The following RASAL1 variants were observed in gnomAD, a reference collection of about 807,000 sequenced individuals.
The protein encoded by RASAL1 is rasGAP-activating-like protein 1.
In RASAL1, 72 loss-of-function variants were observed where a neutral mutation model predicts 96.6. That is an observed-to-expected ratio of 0.75 (90% CI 0.62 to 0.91). RASAL1 has a LOEUF of 0.91. RASAL1 is among the 40% of genes least tolerant of loss of function. RASAL1 has a pLI of 0.00. For missense variants in RASAL1, 1,016 were observed against 1,072.5 expected (o/e 0.95, Z 0.74); for synonymous variants, 405 against 430.4 (o/e 0.94, Z 0.73).
At chr12:113,112,737 G>A (rs1190505234) in intron 12 of RASAL1, among the ~76,000 whole-genome samples, 2 of 152,002 alleles carry the variant, frequency 1.3e-5, no homozygotes, top group Non-Finnish European at 2.9e-5. Flanking sequence ...GGTCACTTGA[G>A]ACCAGGAGTT....
chr12:113,115,076 G>A lies in RASAL1; in HGVS notation c.1068+124C>T, dbSNP rs112623602. The A allele has an allele frequency of 5.0e-4, 599 of 1,186,898 alleles. 3 individuals carry two copies. The African/African-American group carries it at 6.8e-3, about 13-fold the overall frequency. The allele number at this position is 1,186,898 out of a possible 1,614,324, so 73.5% of individuals were successfully genotyped here. ...CTCAGGGCAAGGCCGGGCACCAGCCGCCAGCACTGCAGCTCGGCTGCTCAG... is the reference window on the plus strand; with the variant it reads ...CTCAGGGCAAGGCCGGGCACCAGCCACCAGCACTGCAGCTCGGCTGCTCAG... On this transcript the variant is annotated intron_variant, in intron 11 of 20. Coordinates refer to ENST00000548055, the MANE Select transcript of RASAL1 (RefSeq NM_001301202.2). The surrounding 1 kb of genome is among the most constrained non-coding windows in gnomAD (Gnocchi z 4.1).
Position 113,115,492 on chromosome 12 carries a change from T to C in RASAL1, c.1003+143A>G, listed in dbSNP as rs1043483506. ...CTGAACCTGCAATTGGGCTCCCAAC[T>C]GTCTGGAGGTGCACAGCACAGGGAC... On this transcript the variant is annotated intron_variant, in intron 10 of 20. Coordinates refer to ENST00000548055, the MANE Select transcript of RASAL1 (RefSeq NM_001301202.2). This position sits in a 1 kb window ranked among gnomAD's most constrained non-coding sequence, Gnocchi z 4.1. 1.6e-6 allele frequency: 2 copies of C among 1,219,996 alleles called. No individual in the cohort carries two copies. The highest frequency in any genetic ancestry group is 1.5e-5 in the African/African-American group (1 of 65,638). The allele number at this position is 1,219,996 out of a possible 1,614,324, so 75.6% of individuals were successfully genotyped here.
Position 113,129,197 on chromosome 12 carries a change from C to T in RASAL1, c.123-1019G>A, listed in dbSNP as rs1270202765. The stretch of plus-strand genomic sequence containing the variant: ...GGAGAAGTCCTGGGATTGGGGTTAG[C>T]TCAATCGCCCCTGGTTGGGTCGTGG... On this transcript the variant is annotated intron_variant, in intron 2 of 20. Transcript: ENST00000548055. This position sits in a 1 kb window ranked among gnomAD's most constrained non-coding sequence, Gnocchi z 5.0. 6.6e-6 allele frequency among the ~76,000 whole-genome samples: 1 copy of T among 152,150 alleles called. No homozygotes were observed. The highest frequency in any genetic ancestry group is 2.4e-5 in the African/African-American group (1 of 41,432).
intron 15 of RASAL1, among the ~76,000 whole-genome samples, chr12:113,106,321 T>C (rs1042401311): frequency 2.6e-5 from 4 of 152,144 alleles, no homozygotes; most frequent in African/African-American, 9.7e-5. Flanking sequence ...GGGATCCAAC[T>C]AGGTTATGAC....
Position 113,115,382 on chromosome 12 carries a change from A to G in RASAL1, c.1004-118T>C, listed in dbSNP as rs1951036923. The G allele has an allele frequency of 9.0e-7, 1 of 1,105,934 alleles. No individual in the cohort carries two copies. The highest frequency in any genetic ancestry group is 1.4e-6 in the Non-Finnish European group (1 of 726,702). 68.5% of individuals were successfully genotyped at this position (1,105,934 alleles called of 1,614,324 possible). On this transcript the variant is annotated intron_variant, in intron 10 of 20. Coordinates refer to ENST00000548055, the MANE Select transcript of RASAL1 (RefSeq NM_001301202.2). The surrounding 1 kb of genome is among the most constrained non-coding windows in gnomAD (Gnocchi z 4.1). ...CCCAAGAATCAGGAAGACCCAAAAC[A>G]TCAACCCCATTCACAGTACAGAGGC...
At chr12:113,124,264 T>C (rs1210852583) in intron 4 of RASAL1, among the ~76,000 whole-genome samples, 1 of 151,030 alleles carries the variant, frequency 6.6e-6, no homozygotes, top group Non-Finnish European at 1.5e-5. Flanking sequence ...AACAATGTAT[T>C]AGGAACCCTA....
intron 4 of RASAL1, among the ~76,000 whole-genome samples, chr12:113,125,358 A>G (rs1416624064): frequency 2.6e-5 from 4 of 152,220 alleles, no homozygotes; most frequent in Non-Finnish European, 5.9e-5. Context: ...TAATTTGACA[A>G]AGAAGTAACT....
intron 5 of RASAL1, among the ~76,000 whole-genome samples, chr12:113,120,853 T>A (rs1015512989): frequency 2.0e-5 from 3 of 152,168 alleles, no homozygotes; most frequent in Non-Finnish European, 4.4e-5. Context: ...AATCCCTCCC[T>A]CCGCTCCAGT....
In RASAL1 at chr12:113,114,874, A is replaced by G. The variant is rs774856230; in HGVS notation, c.1107T>C (p.Pro369=). 3 of 1,614,082 alleles carry G rather than the reference A, an allele frequency of 1.9e-6. No individual in the cohort carries two copies. The highest frequency in any genetic ancestry group is 2.5e-6 in the Non-Finnish European group (3 of 1,179,976). ...GMPYLHEVLK[P]VISRVFEEKK... ...TCTCCTCAAAGACACGGCTAATCAC[A>G]GGCTTCAGGACCTCGTGCAGGTAGG... is the stretch of plus-strand genomic sequence containing the variant. The change falls in exon 12 of 21, where the codon CCT becomes CCC. Residue 369 remains proline (P), a synonymous_variant. Transcript: ENST00000548055.
rs771248214 is a variant in RASAL1 at position 113,115,671 on chromosome 12, G to A, written c.967C>T (p.Leu323=). The A allele has an allele frequency of 1.2e-6, 2 of 1,613,938 alleles. No homozygotes were observed. The highest frequency in any genetic ancestry group is 1.1e-5 in the South Asian group (1 of 91,060). ...ACCTCACGCCGGGTGAGATAGTCCA[G>A]AAAGCGCCCAGCCAGTCCCCGGCCA... ...FLGRGLAGRF[L]DYLTRREVAR... Residue 323 remains leucine (L), a synonymous_variant, in exon 10 of 21, where the codon CTG becomes TTG. Transcript: ENST00000548055. The surrounding 1 kb of genome is among the most constrained non-coding windows in gnomAD (Gnocchi z 4.1).
rs74505652 is a variant in RASAL1, at chr12:113,101,433, A to T, written c.2225+456T>A. Among the ~76,000 whole-genome samples the T allele has an allele frequency of 1.3e-3, 194 of 152,184 alleles. 3 individuals are homozygous for T. In the East Asian group the frequency reaches 0.025, roughly 20 times the overall value. Reference sequence around the variant, plus strand: ...TCTGTCTAAGTAAATAAATAAATAAATTTTTTTAAAAAGAGATCACACAGC... The same window carrying T: ...TCTGTCTAAGTAAATAAATAAATAATTTTTTTTAAAAAGAGATCACACAGC... On this transcript the variant is annotated intron_variant, in intron 19 of 20. Coordinates refer to ENST00000548055, the MANE Select transcript of RASAL1 (RefSeq NM_001301202.2).
intron 3 of RASAL1, 59 bp from the exon 4 acceptor site, chr12:113,127,932 AG>A: frequency 6.3e-7 from 1 of 1,583,880 alleles, no homozygotes; most frequent in Admixed American, 1.7e-5. Flanking sequence ...CCGCCCCAAG[AG>A]AAGTGGGGGC....
In RASAL1 at chr12:113,133,429, C is replaced by G. The variant is rs1177252561; in HGVS notation, c.65+1969G>C. Among the ~76,000 whole-genome samples the G allele has an allele frequency of 2.0e-5, 3 of 152,262 alleles. No homozygotes were observed. In the East Asian group the frequency reaches 5.8e-4, roughly 29 times the overall value. On this transcript the variant is annotated intron_variant, in intron 1 of 20. Coordinates refer to ENST00000548055, the MANE Select transcript of RASAL1 (RefSeq NM_001301202.2). Reference sequence around the variant, plus strand: ...GACTGCCTCTCTGGTCCTCAGTTTCCCCATTTGTAAAATAAGAGACGCCAA... The same window carrying G: ...GACTGCCTCTCTGGTCCTCAGTTTCGCCATTTGTAAAATAAGAGACGCCAA...
At position 113,115,170 on chromosome 12, in the gene RASAL1, G is replaced by A. The variant is rs202032513; in HGVS notation, c.1068+30C>T. On this transcript the variant is annotated intron_variant, in intron 11 of 20. Coordinates refer to ENST00000548055, the MANE Select transcript of RASAL1 (RefSeq NM_001301202.2). This position sits in a 1 kb window ranked among gnomAD's most constrained non-coding sequence, Gnocchi z 4.1. ...GGAAGGAGGTACCCGAGGAAGCTGC[G>A]CCTGGTCCCGCAGGCCTTCACCTAC... The A allele has an allele frequency of 5.1e-4, 804 of 1,591,694 alleles. 1 individual carries two copies. The highest frequency in any genetic ancestry group is 6.2e-4 in the Non-Finnish European group (723 of 1,160,158).
At chr12:113,110,936 A>T (rs181904261) in intron 13 of RASAL1, among the ~76,000 whole-genome samples, 53 of 152,312 alleles carry the variant, frequency 3.5e-4, no homozygotes, top group African/African-American at 1.3e-3. Context: ...ATAAGTAAAT[A>T]AATAAATAAC....
chr12:113,107,112 C>T lies in RASAL1; in HGVS notation c.1642G>A (p.Val548Met). The change falls in exon 15 of 21, where the codon GTG (valine) becomes ATG (methionine). Residue 548 changes from valine (V) to methionine (M), a missense_variant. Coordinates refer to ENST00000548055, the MANE Select transcript of RASAL1 (RefSeq NM_001301202.2). ...AGGAACTCACCTTCATCCCCATCCA[C>T]ATCCACCAGCCGGTCCAGGAAGTCT... ...VRDFLDRLVD[V>M]DGDEEAGVPA... 6.2e-7 allele frequency: 1 copy of T among 1,612,712 alleles called. No individual in the cohort carries two copies. Among genetic ancestry groups the T allele is most frequent in the Non-Finnish European group, 8.5e-7 (1 of 1,179,188 alleles).
rs760081807 is a variant in RASAL1, at chr12:113,105,716, G to C, written c.1828C>G (p.Gln610Glu). The change falls in exon 16 of 21, where the codon CAG (glutamine) becomes GAG (glutamate). Residue 610 changes from glutamine (Q) to glutamate (E), a missense_variant and splice_region_variant. Transcript: ENST00000548055. ...TCCATAGTGGACTGGAACCCCACCT[G>C]CCACTCAGGACTCTTGGAGAAGGAG... ...TLSFSKSPEWQMCHSIPVSHI... is the reference protein window; with the variant it reads ...TLSFSKSPEWEMCHSIPVSHI... The C allele has an allele frequency of 6.2e-7, 1 of 1,601,812 alleles. No homozygotes were observed. The highest frequency in any genetic ancestry group is 8.5e-7 in the Non-Finnish European group (1 of 1,172,022).
Position 113,111,266 on chromosome 12 carries a change from C to CCT in RASAL1, c.1374+818_1374+819dup, listed in dbSNP as rs904372102. ...AGATCTGCGTTCTTCTCTCTTACTT[C>CCT]CTCTCTCTCTCTCTATTTTACATCT... On this transcript the variant is annotated intron_variant, in intron 13 of 20. Coordinates refer to ENST00000548055, the MANE Select transcript of RASAL1 (RefSeq NM_001301202.2). Among the ~76,000 whole-genome samples the CCT allele has an allele frequency of 5.3e-5, 8 of 151,540 alleles. No homozygotes were observed. In the East Asian group the frequency reaches 5.8e-4, roughly 11 times the overall value.
rs980233946 is a variant in RASAL1, at chr12:113,119,015, A to T, written c.642+113T>A. The T allele has an allele frequency of 2.1e-5, 28 of 1,314,816 alleles. 1 individual carries two copies. The Middle Eastern group carries it at 1.2e-3, about 56-fold the overall frequency. 81.4% of individuals were successfully genotyped at this position (1,314,816 alleles called of 1,614,324 possible). On this transcript the variant is annotated intron_variant, in intron 7 of 20. Transcript: ENST00000548055. Reference sequence around the variant, plus strand: ...CAGGCCTAACCAGGGGAACCTGATGAGGCAGCTGTACATCCACCCTTCTGA... The same window carrying T: ...CAGGCCTAACCAGGGGAACCTGATGTGGCAGCTGTACATCCACCCTTCTGA...
Sources: gnomAD v4.1 joint callset for allele counts (sites outside exome capture counted in the v4.1 genomes callset) on GRCh38, gnomAD v4.1.1 for gene constraint, Gnocchi (gnomAD v3.1) non-coding constraint, MANE v1.5 for transcripts, NCBI Gene and HGNC (gene_info 2026-07-23, HGNC 2026-07-21) for gene names.